The following INTS13 variants were observed in gnomAD, a reference collection of about 807,000 sequenced individuals.
The protein encoded by INTS13 is asunder, spermatogenesis regulator homolog (Drosphila).
A neutral mutation model predicts 90.2 loss-of-function variants in INTS13; 35 were observed. The observed-to-expected ratio is 0.39, with a 90% CI of 0.30 to 0.51. The LOEUF (loss-of-function observed/expected upper bound fraction) is 0.51. Ranked by LOEUF, INTS13 falls within the 20% of genes least tolerant of loss-of-function variation. The pLI is 0.80. For missense variants in INTS13, 601 were observed against 851.2 expected (o/e 0.71, Z 3.66); for synonymous variants, 309 against 277.1 (o/e 1.11, Z -1.14).
At chr12:26,907,034 C>G (rs1317045180) in intron 15 of INTS13, among the ~76,000 whole-genome samples, 1 of 152,174 alleles carries the variant, frequency 6.6e-6, no homozygotes, top group Non-Finnish European at 1.5e-5. Context: ...TCTCAAAAGC[C>G]AAGTTCCCAG....
intron 5 of INTS13, among the ~76,000 whole-genome samples, chr12:26,926,200 A>C (rs900198991): frequency 6.6e-6 from 1 of 152,218 alleles, no homozygotes; most frequent in Non-Finnish European, 1.5e-5. Context: ...TCTTAAGGAT[A>C]AAATCAGGCA....
At chr12:26,923,119 T>C (rs1407338391) in intron 7 of INTS13, among the ~76,000 whole-genome samples, 2 of 152,092 alleles carry the variant, frequency 1.3e-5, no homozygotes, top group Non-Finnish European at 2.9e-5. Flanking sequence ...TTACCAAATA[T>C]CAATTATATA....
chr12:26,918,036 C>G (rs183186940), intron 8 of INTS13, among the ~76,000 whole-genome samples: 1 of 152,056 alleles, frequency 6.6e-6, no homozygotes, highest in Non-Finnish European at 1.5e-5. Context: ...ACAGAAGAAT[C>G]GCTTGAACCT....
rs146166201 is a variant in INTS13 at position 26,921,899 on chromosome 12, G to T, written c.889+717C>A. Among the ~76,000 whole-genome samples, 787 of 152,282 alleles carry T rather than the reference G, an allele frequency of 5.2e-3. 5 individuals carry two copies. The highest frequency in any genetic ancestry group is 8.7e-3 in the Non-Finnish European group (591 of 68,014). ...TCGAACTCCTGACCTCAAGTGATCT[G>T]CCCACCTTGGCCTCCCAAAGTGCTA... On this transcript the variant is annotated intron_variant, in intron 8 of 16. Transcript: ENST00000261191.
At chr12:26,931,450 A>C (rs753630638) in intron 3 of INTS13, among the ~76,000 whole-genome samples, 1 of 86,826 alleles carries the variant, frequency 1.2e-5, no homozygotes, top group African/African-American at 5.4e-5. Flanking sequence ...TCTCAAAATA[A>C]ATAAAAGAAA....
chr12:26,936,662 A>C lies in INTS13; in HGVS notation c.142T>G (p.Ser48Ala), dbSNP rs369719364. The C allele has an allele frequency of 3.7e-6, 6 of 1,613,600 alleles. No homozygotes were observed. In the African/African-American group the frequency reaches 8.0e-5, roughly 22 times the overall value. Residue 48 changes from serine (S) to alanine (A), a missense_variant, in exon 2 of 17, where the codon TCT becomes GCT. Ser to Ala is a moderately conservative substitution (Grantham distance 99, BLOSUM62 1). Coordinates refer to ENST00000261191, the MANE Select transcript of INTS13 (RefSeq NM_018164.3). ...TQGIIPLAPI[S>A]KSLWTCSVES... Reference sequence around the variant, plus strand: ...ACTGAGCAAGTCCACAATGATTTAGATATGGGGGCCAAAGGAATGATTCCT... The same window carrying C: ...ACTGAGCAAGTCCACAATGATTTAGCTATGGGGGCCAAAGGAATGATTCCT...
At chr12:26,923,345 C>A (rs1198675284) in intron 7 of INTS13, among the ~76,000 whole-genome samples, 1 of 152,102 alleles carries the variant, frequency 6.6e-6, no homozygotes, top group African/African-American at 2.4e-5. Context: ...TTTACTTCTG[C>A]ATCCAAAAGG....
chr12:26,913,683 C>A lies in INTS13; in HGVS notation c.1579G>T (p.Glu527Ter). Residue 527 changes from glutamate to a stop codon, truncating the protein, a stop_gained, in exon 14 of 17, where the codon GAA (glutamate) becomes TAA (stop). Transcript: ENST00000261191. LOFTEE classifies it high-confidence loss of function. The stretch of plus-strand genomic sequence containing the variant: ...TCATTCCACATGATACGGTATTGTT[C>A]ATCTCTGCAGCAAAGATTTGGAAAT... ...GTRGKGPKRD[E>*]QYRIMWNELE... The A allele has an allele frequency of 6.2e-7, 1 of 1,608,832 alleles. No homozygotes were observed. The highest frequency in any genetic ancestry group is 1.1e-5 in the South Asian group (1 of 90,476).
intron 3 of INTS13, among the ~76,000 whole-genome samples, chr12:26,934,029 A>C (rs1938330613): frequency 6.6e-6 from 1 of 152,218 alleles, no homozygotes; most frequent in African/African-American, 2.4e-5. Context: ...TTGAGAACAC[A>C]AGGGAAGGGG....
intron 11 of INTS13, among the ~76,000 whole-genome samples, 154 bp from the exon 12 acceptor site, chr12:26,914,732 C>T (rs924830612): frequency 1.3e-5 from 2 of 152,134 alleles, no homozygotes; most frequent in South Asian, 2.1e-4. Context: ...ACTTTTTTAT[C>T]CTTTCTGAAC....
Position 26,922,753 on chromosome 12 carries a change from A to G in INTS13, c.805-53T>C, listed in dbSNP as rs1937656080. 7.9e-6 allele frequency: 9 copies of G among 1,140,772 alleles called. No individual in the cohort carries two copies. The South Asian group carries it at 1.2e-4, about 16-fold the overall frequency. 70.7% of individuals were successfully genotyped at this position (1,140,772 alleles called of 1,614,324 possible). A position where few individuals can be genotyped will look rare whatever the true frequency, so the allele number is the denominator to read the frequency against. ...AAAACTTGGTTTTGCTTTCAAAATA[A>G]TAAAATTATTAATTATTCATTTGCT... On this transcript the variant is annotated intron_variant, in intron 7 of 16. Transcript: ENST00000261191.
rs1283954445 is a variant in INTS13, at chr12:26,922,623, C to T, written c.882G>A (p.Leu294=). The change falls in exon 8 of 17, where the codon CTG becomes CTA. Residue 294 remains leucine, a synonymous_variant. Coordinates refer to ENST00000261191, the MANE Select transcript of INTS13 (RefSeq NM_018164.3). ...CTTTCAAATGTCTCTTACCACTTTT[C>T]AGGAAATCTACATGTGCATCTTTGT... ...LHHKDAHVDF[L]KSGDSHLGGG... 1.9e-6 allele frequency: 3 copies of T among 1,583,804 alleles called. No homozygotes were observed. The highest frequency in any genetic ancestry group is 2.6e-6 in the Non-Finnish European group (3 of 1,164,806).
chr12:26,934,826 A>C (rs1938377511), intron 2 of INTS13, among the ~76,000 whole-genome samples, 196 bp from the exon 3 acceptor site: 2 of 152,244 alleles, frequency 1.3e-5, no homozygotes, highest in Admixed American at 6.5e-5. Flanking sequence ...TGAATAAAAA[A>C]GTTCTGTCAC....
chr12:26,919,605 C>T (rs774773593), intron 8 of INTS13, among the ~76,000 whole-genome samples: 2 of 151,846 alleles, frequency 1.3e-5, no homozygotes, highest in Non-Finnish European at 2.9e-5. Context: ...TTTTGATGTA[C>T]GAGAGAAAAA....
intron 4 of INTS13, 73 bp downstream of exon 4, chr12:26,928,630 C>T: frequency 6.9e-7 from 1 of 1,446,922 alleles, no homozygotes; most frequent in Non-Finnish European, 9.6e-7. Context: ...CATGCTGTCT[C>T]TACTATTCTG....
rs1197946133 is a variant in INTS13 at position 26,924,407 on chromosome 12, A to G, written c.752T>C (p.Val251Ala). 6.2e-7 allele frequency: 1 copy of G among 1,613,472 alleles called. No individual in the cohort carries two copies. Among genetic ancestry groups the G allele is most frequent in the African/African-American group, 1.3e-5 (1 of 74,910 alleles). The change falls in exon 7 of 17, where the codon GTA becomes GCA. Residue 251 changes from valine (V) to alanine (A), a missense_variant. Transcript: ENST00000261191. ...TGAAGCCAAGTCAAAATGTTGCTGT[A>G]CTAAAATATTCAATTTGGTAGCAAG... is the stretch of plus-strand genomic sequence containing the variant. Reference protein sequence around the residue: ...RHLATKLNILVQQHFDLASTT... With the variant: ...RHLATKLNILAQQHFDLASTT...
Position 26,924,406 on chromosome 12 carries a change from T to A in INTS13, c.753A>T (p.Val251=). The change falls in exon 7 of 17, where the codon GTA becomes GTT. Residue 251 remains valine, a synonymous_variant. Coordinates refer to ENST00000261191, the MANE Select transcript of INTS13 (RefSeq NM_018164.3). The part of the protein sequence containing the change: ...RHLATKLNIL[V]QQHFDLASTT... ...TTGAAGCCAAGTCAAAATGTTGCTG[T>A]ACTAAAATATTCAATTTGGTAGCAA... 5 of 1,613,530 alleles carry A rather than the reference T, an allele frequency of 3.1e-6. No individual in the cohort carries two copies. The highest frequency in any genetic ancestry group is 4.2e-6 in the Non-Finnish European group (5 of 1,179,622).
Position 26,936,825 on chromosome 12 carries a change from A to T in INTS13, c.-11-11T>A. 6.5e-7 allele frequency: 1 copy of T among 1,535,786 alleles called. No homozygotes were observed. Among genetic ancestry groups the T allele is most frequent in the Non-Finnish European group, 9.0e-7 (1 of 1,111,128 alleles). On this transcript the variant is annotated splice_polypyrimidine_tract_variant and intron_variant, in intron 1 of 16. Coordinates refer to ENST00000261191, the MANE Select transcript of INTS13 (RefSeq NM_018164.3). ...TCATTTTGTTTTAACCTGTAAGGGG[A>T]AAAACATATTAGCCAAATATTTGTA...
intron 9 of INTS13, 64 bp from the exon 10 acceptor site, chr12:26,917,505 GA>G (rs910087429): frequency 1.8e-5 from 23 of 1,260,250 alleles, no homozygotes; most frequent in African/African-American, 6.2e-5. Flanking sequence ...TTAAAAGAAA[GA>G]AAAAAAAACT....
Sources: allele counts gnomAD v4.1 joint callset (sites outside exome capture counted in the v4.1 genomes callset), GRCh38; gene constraint gnomAD v4.1.1; transcripts MANE v1.5; gene names NCBI Gene and HGNC (gene_info 2026-07-23, HGNC 2026-07-21).